The following OR7C1 variants were observed in gnomAD, a reference collection of about 807,000 sequenced individuals.
OR7C1 encodes olfactory receptor family 7 subfamily C member 1.
For synonymous variants in OR7C1, 152 were observed against 160.7 expected (o/e 0.95, Z 0.41); for missense variants, 324 against 383.3 (o/e 0.85, Z 1.29).
At chr19:14,830,055 G>T (rs1212700242) in intron 1 of OR7C1, among the ~76,000 whole-genome samples, 2 of 152,126 alleles carry the variant, frequency 1.3e-5, no homozygotes, top group Non-Finnish European at 2.9e-5. Flanking sequence ...TGGAGACCAG[G>T]TCTGCCTATG....
At chr19:14,805,320 C>A (rs192206239) in intron 2 of OR7C1, among the ~76,000 whole-genome samples, 1 of 151,636 alleles carries the variant, frequency 6.6e-6, no homozygotes, top group East Asian at 1.9e-4. Flanking sequence ...GACCCTGGTG[C>A]CTTCTGTAAT....
At chr19:14,820,820 G>A (rs536268600) in intron 1 of OR7C1, among the ~76,000 whole-genome samples, 8 of 152,302 alleles carry the variant, frequency 5.3e-5, no homozygotes, top group African/African-American at 1.4e-4. Flanking sequence ...CATCTTGCAC[G>A]AGGAACGGAA....
exon 5 of OR7C1, chr19:14,799,776 C>T (rs375235602): frequency 7.4e-6 from 12 of 1,613,654 alleles, no homozygotes; most frequent in Non-Finnish European, 9.3e-6. Flanking sequence ...ACGAAGCGGT[C>T]ATAGGCCATC....
At chr19:14,799,885 A>C (rs780557781) in exon 5 of OR7C1, 1 of 1,614,178 alleles carries the variant, frequency 6.2e-7, no homozygotes, top group Admixed American at 1.7e-5. Flanking sequence ...GTGTCAGTAT[A>C]TTCAGTAACA....
At chr19:14,833,359 G>A (rs2044852830) in intron 1 of OR7C1, among the ~76,000 whole-genome samples, 1 of 152,206 alleles carries the variant, frequency 6.6e-6, no homozygotes, top group Admixed American at 6.5e-5. Context: ...CTTGCCTGCA[G>A]TCCAAGCTAC....
At chr19:14,825,279 G>A (rs188494130) in intron 1 of OR7C1, 1 of 152,252 alleles carries the variant, frequency 6.6e-6, no homozygotes, top group African/African-American at 2.4e-5. Flanking sequence ...GGTTATGGAG[G>A]GGTGAGAATG....
Position 14,829,338 on chromosome 19 carries a change from G to C in OR7C1, c.-623+5736C>G, listed in dbSNP as rs149033681. ...CCTGCCTCAGCCTCCCGAGTAGCTG[G>C]GATTACAGGCATGCACCACCACGCC... On this transcript the variant is annotated intron_variant, in intron 1 of 4. Transcript: ENST00000641666. Among the ~76,000 whole-genome samples, 6 of 152,288 alleles carry C rather than the reference G, an allele frequency of 3.9e-5. No individual in the cohort carries two copies. In the East Asian group the frequency reaches 1.2e-3, roughly 29 times the overall value.
rs33957500 is a variant in OR7C1 at position 14,805,406 on chromosome 19, ATTTT to A, written c.-435+4396_-435+4399del. 1.3e-3 allele frequency among the ~76,000 whole-genome samples: 123 copies of A among 98,092 alleles called. 1 individual carries two copies. The highest frequency in any genetic ancestry group is 6.0e-3 in the East Asian group (23 of 3,820). The allele number at this position is 98,092 out of a possible 152,430, so 64.4% of individuals were successfully genotyped here. A position where few individuals can be genotyped will look rare whatever the true frequency, so the allele number is the denominator to read the frequency against. ...GCAGGACCCAAGAAACAGGAAAATA[ATTTT>A]TTTTTTTTTTTTTTTTTTTTTTTTA... On this transcript the variant is annotated intron_variant, in intron 2 of 4. Transcript: ENST00000641666.
intron 1 of OR7C1, among the ~76,000 whole-genome samples, chr19:14,818,794 G>A (rs1198302451): frequency 2.0e-5 from 3 of 152,188 alleles, no homozygotes; most frequent in Non-Finnish European, 4.4e-5. Flanking sequence ...GTCACACTGT[G>A]TATCTCCCTT....
At chr19:14,824,415 C>T (rs557590512) in intron 1 of OR7C1, 1 of 152,284 alleles carries the variant, frequency 6.6e-6, no homozygotes, top group South Asian at 2.1e-4. Flanking sequence ...TCTGTTGATC[C>T]CAACTTTATG....
rs1181606436 is a variant in OR7C1, at chr19:14,826,786, T to G, written c.-623+8288A>C. ...GGACATGGCACTGACAAAGACATGA[T>G]GTCCTAATGAGGACAACACAATCTC... On this transcript the variant is annotated intron_variant, in intron 1 of 4. Coordinates refer to ENST00000641666, the Ensembl canonical transcript of OR7C1. 18 of 152,694 alleles carry G rather than the reference T, an allele frequency of 1.2e-4. 1 individual carries two copies. The highest frequency in any genetic ancestry group is 3.8e-4 in the African/African-American group (16 of 41,578). The allele number at this position is 152,694 out of a possible 1,614,324, so 9.5% of individuals were successfully genotyped here.
chr19:14,799,214 G>A (rs1441336583), exon 5 of OR7C1: 1 of 1,612,724 alleles, frequency 6.2e-7, no homozygotes, highest in Admixed American at 1.7e-5. Flanking sequence ...AAAAAATGTT[G>A]CCCTACTGAG....
chr19:14,799,111 A>G, exon 5 of OR7C1: 2 of 1,521,916 alleles, frequency 1.3e-6, no homozygotes, highest in African/African-American at 1.4e-5. Flanking sequence ...AAGAGAATAC[A>G]TTGATGTTTG....
At chr19:14,808,611 A>C (rs753690124) in intron 2 of OR7C1, among the ~76,000 whole-genome samples, 1 of 142,760 alleles carries the variant, frequency 7.0e-6, no homozygotes, top group Non-Finnish European at 1.5e-5. Context: ...TAGGCATTGG[A>C]GACTCCAAAA....
intron 1 of OR7C1, among the ~76,000 whole-genome samples, chr19:14,817,741 T>G (rs2044722243): frequency 2.0e-5 from 3 of 152,306 alleles, no homozygotes; most frequent in South Asian, 4.1e-4. Flanking sequence ...GAGCAGTGTC[T>G]GTTAGACTCA....
At chr19:14,805,020 C>T (rs1230748056) in intron 2 of OR7C1, among the ~76,000 whole-genome samples, 1 of 151,808 alleles carries the variant, frequency 6.6e-6, no homozygotes, top group Admixed American at 6.6e-5. Flanking sequence ...TACAAGAATG[C>T]ACCGTCACAC....
intron 1 of OR7C1, chr19:14,826,546 T>C (rs1224923475): frequency 2.6e-5 from 4 of 152,050 alleles, no homozygotes; most frequent in African/African-American, 9.7e-5. Flanking sequence ...CTTCAATGAG[T>C]CCATGCACAT....
At chr19:14,827,477 G>T in intron 1 of OR7C1, 1 of 1,614,126 alleles carries the variant, frequency 6.2e-7, no homozygotes, top group South Asian at 1.1e-5. Context: ...ACACCCCTAG[G>T]ATTGCACCAT....
At chr19:14,817,076 C>T (rs992427840) in intron 1 of OR7C1, among the ~76,000 whole-genome samples, 3 of 152,100 alleles carry the variant, frequency 2.0e-5, no homozygotes, top group Non-Finnish European at 4.4e-5. Context: ...CTAACAAACC[C>T]ACTAATAGAT....
Sources: allele counts gnomAD v4.1 joint callset (sites outside exome capture counted in the v4.1 genomes callset), GRCh38; gene constraint gnomAD v4.1.1; transcripts MANE v1.5; gene names NCBI Gene and HGNC (gene_info 2026-07-23, HGNC 2026-07-21).